GPR149: variants seen among roughly 807,000 people sequenced by gnomAD.
GPR149 encodes the protein probable G protein-coupled receptor 149.
A neutral mutation model predicts 50.2 loss-of-function variants in GPR149; 50 were observed. That is an observed-to-expected ratio of 1.00 (90% CI 0.79 to 1.26). GPR149 has a LOEUF of 1.26. Among genes scored for constraint, GPR149 ranks in the 50% most tolerant of loss-of-function variants. The probability of loss-of-function intolerance (pLI) is 0.00; values close to 1 mark genes in which losing one functional copy is unlikely to be tolerated. For synonymous variants in GPR149, 405 were observed against 358.2 expected (o/e 1.13, Z -1.48); for missense variants, 983 against 895.4 (o/e 1.10, Z -1.25).
At chr3:154,423,303 G>A (rs966234525) in intron 2 of GPR149, among the ~76,000 whole-genome samples, 4 of 151,766 alleles carry the variant, frequency 2.6e-5, no homozygotes, top group South Asian at 2.1e-4. Context: ...TGGAGAAAAC[G>A]GGGGGTGACA....
At chr3:154,358,611 A>G (rs1010682312) in intron 3 of GPR149, among the ~76,000 whole-genome samples, 22 of 152,334 alleles carry the variant, frequency 1.4e-4, no homozygotes, top group African/African-American at 3.6e-4. Flanking sequence ...GCAGCCTACA[A>G]TGAAAATGTC....
chr3:154,377,701 A>C (rs958128785), intron 3 of GPR149, among the ~76,000 whole-genome samples: 1 of 152,088 alleles, frequency 6.6e-6, no homozygotes, highest in Non-Finnish European at 1.5e-5. Flanking sequence ...ACTTCTTCGT[A>C]ATATAATTTG....
intron 3 of GPR149, among the ~76,000 whole-genome samples, chr3:154,409,485 C>G (rs930935336): frequency 6.6e-5 from 10 of 151,872 alleles, no homozygotes; most frequent in African/African-American, 1.5e-4. Flanking sequence ...AAACATGATA[C>G]AGGATACGAA....
intron 3 of GPR149, among the ~76,000 whole-genome samples, chr3:154,343,399 A>G (rs1713850396): frequency 6.6e-6 from 1 of 152,116 alleles, no homozygotes; most frequent in African/African-American, 2.4e-5. Context: ...GAAGTTTATT[A>G]GGTAGTGAGG....
chr3:154,363,700 C>T (rs1211047265), intron 3 of GPR149, among the ~76,000 whole-genome samples: 2 of 152,162 alleles, frequency 1.3e-5, no homozygotes, highest in South Asian at 2.1e-4. Flanking sequence ...GTGAGAACTT[C>T]CATCCCTGTC....
At chr3:154,355,819 T>C (rs1714206661) in intron 3 of GPR149, among the ~76,000 whole-genome samples, 1 of 152,200 alleles carries the variant, frequency 6.6e-6, no homozygotes, top group Non-Finnish European at 1.5e-5. Flanking sequence ...TCACCAGAAT[T>C]AGGTCAGAAA....
intron 3 of GPR149, among the ~76,000 whole-genome samples, chr3:154,348,016 T>C (rs1374410433): frequency 6.6e-6 from 1 of 152,222 alleles, no homozygotes; most frequent in Non-Finnish European, 1.5e-5. Flanking sequence ...AAGCCTCAGT[T>C]GTCTCACTTG....
chr3:154,395,046 A>T (rs1257816563), intron 3 of GPR149, among the ~76,000 whole-genome samples: 1 of 152,154 alleles, frequency 6.6e-6, no homozygotes, highest in Non-Finnish European at 1.5e-5. Flanking sequence ...TAAATCAGCA[A>T]GTCTATAGTT....
At chr3:154,373,838 A>G (rs1043661812) in intron 3 of GPR149, among the ~76,000 whole-genome samples, 13 of 152,200 alleles carry the variant, frequency 8.5e-5, no homozygotes, top group East Asian at 1.9e-4. Context: ...CCTACCATGA[A>G]TAGAGTAAAT....
At chr3:154,426,198 G>A (rs987143185) in intron 2 of GPR149, among the ~76,000 whole-genome samples, 1 of 152,034 alleles carries the variant, frequency 6.6e-6, no homozygotes, top group Non-Finnish European at 1.5e-5. Context: ...AAGTTCTAAG[G>A]TTATTTTAAA....
chr3:154,399,356 CTT>C (rs1410078173), intron 3 of GPR149, among the ~76,000 whole-genome samples: 1 of 152,100 alleles, frequency 6.6e-6, no homozygotes, highest in Non-Finnish European at 1.5e-5. Context: ...AAAAGTTAAA[CTT>C]TATGTAATAC....
In GPR149 at chr3:154,421,089, G is replaced by C. The variant is rs1027115990; in HGVS notation, c.1573C>G (p.Leu525Val). Residue 525 changes from leucine to valine, a missense_variant, in exon 3 of 4, where the codon CTT (leucine) becomes GTT (valine). By Grantham distance (32) the Leu-to-Val change is conservative (BLOSUM62 1). Transcript: ENST00000389740. ...CTCCTACACCACTCCCAGTCTGAAA[G>C]ATCTGGTTTCTGACTCTCTTCATGA... ...LSHEESQKPDLSDWEWCRSKS... is the reference protein window; with the variant it reads ...LSHEESQKPDVSDWEWCRSKS... 6.2e-7 allele frequency: 1 copy of C among 1,613,102 alleles called. No individual in the cohort carries two copies. Among genetic ancestry groups the C allele is most frequent in the Admixed American group, 1.7e-5 (1 of 59,786 alleles).
At chr3:154,410,733 C>A (rs1711811061) in intron 3 of GPR149, among the ~76,000 whole-genome samples, 1 of 152,048 alleles carries the variant, frequency 6.6e-6, no homozygotes, top group Non-Finnish European at 1.5e-5. Flanking sequence ...GATGGCAGCA[C>A]AATAATAGTG....
intron 3 of GPR149, among the ~76,000 whole-genome samples, chr3:154,362,742 A>G (rs147282385): frequency 4.9e-4 from 74 of 152,054 alleles, no homozygotes; most frequent in African/African-American, 1.8e-3. Flanking sequence ...TTATTATTAT[A>G]TTTTTTTATT....
intron 3 of GPR149, among the ~76,000 whole-genome samples, chr3:154,374,501 C>T (rs2108403027): frequency 6.6e-6 from 1 of 152,038 alleles, no homozygotes; most frequent in East Asian, 1.9e-4. Context: ...CCAAGGGTCC[C>T]CAAATGGTAG....
intron 3 of GPR149, among the ~76,000 whole-genome samples, chr3:154,377,315 A>C (rs1165171793): frequency 6.7e-6 from 1 of 150,024 alleles, no homozygotes; most frequent in Non-Finnish European, 1.5e-5. Context: ...TTGAACAGTG[A>C]ACTTTGGGCT....
At chr3:154,343,582 A>G (rs527678506) in intron 3 of GPR149, among the ~76,000 whole-genome samples, 1 of 152,246 alleles carries the variant, frequency 6.6e-6, no homozygotes, top group Non-Finnish European at 1.5e-5. Flanking sequence ...AGTTGGGTAG[A>G]GGGCACTATT....
chr3:154,350,370 T>C (rs1034425917), intron 3 of GPR149, among the ~76,000 whole-genome samples: 9 of 152,172 alleles, frequency 5.9e-5, no homozygotes, highest in Admixed American at 1.3e-4. Context: ...ATAAGATACA[T>C]GTACAAAATC....
rs552938487 is a variant in GPR149 at position 154,412,298 on chromosome 3, G to A, written c.1623+8741C>T. Among the ~76,000 whole-genome samples the A allele has an allele frequency of 9.2e-5, 14 of 152,150 alleles. 1 individual carries two copies. The South Asian group carries it at 2.7e-3, about 29-fold the overall frequency. ...CCCCTGAGACGTGGAACAAGACAAG[G>A]ATGCCCACTTTCATCACTTCTGTTC... On this transcript the variant is annotated intron_variant, in intron 3 of 3. Transcript: ENST00000389740.
Sources: gnomAD v4.1 joint callset for allele counts (sites outside exome capture counted in the v4.1 genomes callset) on GRCh38, gnomAD v4.1.1 for gene constraint, MANE v1.5 for transcripts, NCBI Gene and HGNC (gene_info 2026-07-23, HGNC 2026-07-21) for gene names.